Variants in CNTNAP5 observed in about 807,000 individuals in gnomAD.
CNTNAP5 encodes the protein contactin associated protein family member 5.
In CNTNAP5, 72 loss-of-function variants were observed where a neutral mutation model predicts 150.2. The ratio of observed to expected loss-of-function variants is 0.48; its 90% CI spans 0.40 to 0.58. The LOEUF (loss-of-function observed/expected upper bound fraction) is 0.58, where lower values mean the gene tolerates loss of function less well. Ranked by LOEUF, CNTNAP5 falls within the 20% of genes least tolerant of loss-of-function variation. The pLI, the probability that CNTNAP5 is intolerant of heterozygous loss-of-function variation, is 0.00. For missense variants in CNTNAP5, 1,636 were observed against 1,626.2 expected (o/e 1.01, Z -0.10); for synonymous variants, 672 against 619.8 (o/e 1.08, Z -1.25).
intron 1 of CNTNAP5, among the ~76,000 whole-genome samples, chr2:124,171,137 A>G (rs1684923329): frequency 1.3e-5 from 2 of 152,170 alleles, no homozygotes; most frequent in Non-Finnish European, 1.5e-5. Context: ...AACAGGATAG[A>G]GTTACAGCAG....
At chr2:124,518,138 A>C (rs142344951) in intron 8 of CNTNAP5, among the ~76,000 whole-genome samples, 1 of 152,166 alleles carries the variant, frequency 6.6e-6, no homozygotes, top group African/African-American at 2.4e-5. Flanking sequence ...TTTAAGCCCA[A>C]ACCCTACTCT....
At chr2:124,776,106 C>T (rs1362506420) in intron 17 of CNTNAP5, among the ~76,000 whole-genome samples, 1 of 152,178 alleles carries the variant, frequency 6.6e-6, no homozygotes, top group African/African-American at 2.4e-5. Context: ...GACTGTCACA[C>T]CTACAGTCAT....
At chr2:124,612,293 T>C (rs1677402811) in intron 12 of CNTNAP5, among the ~76,000 whole-genome samples, 1 of 152,148 alleles carries the variant, frequency 6.6e-6, no homozygotes, top group Admixed American at 6.6e-5. Context: ...ATGTGTATGT[T>C]ATATATATAC....
chr2:124,444,150 C>T (rs1692746210), intron 5 of CNTNAP5, among the ~76,000 whole-genome samples: 1 of 151,988 alleles, frequency 6.6e-6, no homozygotes, highest in Admixed American at 6.6e-5. Context: ...CACCTCCTGC[C>T]AACGCCTCAT....
At chr2:124,055,012 C>A (rs1232084621) in intron 1 of CNTNAP5, among the ~76,000 whole-genome samples, 5 of 152,108 alleles carry the variant, frequency 3.3e-5, no homozygotes, top group African/African-American at 2.4e-5. Context: ...TGGGCTCTCA[C>A]CCCTCTGCTT....
intron 3 of CNTNAP5, among the ~76,000 whole-genome samples, chr2:124,357,617 A>G (rs1690053163): frequency 6.9e-6 from 1 of 145,130 alleles, no homozygotes; most frequent in Admixed American, 6.8e-5. Context: ...AGATAGTTGT[A>G]GATATGCGGC....
chr2:124,380,096 A>G (rs895805350), intron 3 of CNTNAP5, among the ~76,000 whole-genome samples: 1 of 152,144 alleles, frequency 6.6e-6, no homozygotes, highest in African/African-American at 2.4e-5. Context: ...TTACTGTTAT[A>G]ATTAATCAGA....
intron 3 of CNTNAP5, among the ~76,000 whole-genome samples, chr2:124,410,097 T>G (rs1258224503): frequency 6.6e-6 from 1 of 151,992 alleles, no homozygotes; most frequent in Non-Finnish European, 1.5e-5. Flanking sequence ...TCTGATAAAA[T>G]ACTTTAAACC....
In CNTNAP5 at chr2:124,647,953, C is replaced by G. The variant is rs772923186; in HGVS notation, c.2072C>G (p.Thr691Arg). The change falls in exon 13 of 24, where the codon ACG (threonine) becomes AGG (arginine). Residue 691 changes from threonine to arginine, a missense_variant. Coordinates refer to ENST00000682447, the MANE Select transcript of CNTNAP5 (RefSeq NM_001367498.1). ...TGCAGGAGGTCCCGCCTGCTCAACA[C>G]GCCGGGTAAGGCCTCTGCATGCATG... ...YHCRRSRLLNTPDGTPFTWWI... is the reference protein window; with the variant it reads ...YHCRRSRLLNRPDGTPFTWWI... The G allele has an allele frequency of 6.3e-7, 1 of 1,596,676 alleles. No individual in the cohort carries two copies.
At chr2:124,504,816 C>T (rs1694365346) in intron 8 of CNTNAP5, among the ~76,000 whole-genome samples, 1 of 150,722 alleles carries the variant, frequency 6.6e-6, no homozygotes, top group African/African-American at 2.4e-5. Flanking sequence ...AAGTGATTCT[C>T]CTGCCTCAGC....
chr2:124,277,558 A>G (rs1240744591), intron 3 of CNTNAP5, among the ~76,000 whole-genome samples: 1 of 152,170 alleles, frequency 6.6e-6, no homozygotes, highest in Non-Finnish European at 1.5e-5. Flanking sequence ...AGTCTTTATT[A>G]ACTTTCATTT....
At chr2:124,312,749 T>C (rs530422142) in intron 3 of CNTNAP5, among the ~76,000 whole-genome samples, 5 of 152,296 alleles carry the variant, frequency 3.3e-5, no homozygotes, top group South Asian at 4.1e-4. Context: ...TTTTTGTATT[T>C]TTAGTAGAGA....
intron 13 of CNTNAP5, among the ~76,000 whole-genome samples, chr2:124,731,425 T>C (rs1308295066): frequency 2.6e-5 from 4 of 152,008 alleles, no homozygotes; most frequent in Non-Finnish European, 5.9e-5. Flanking sequence ...GATAGGATTG[T>C]GATAAATTCT....
chr2:124,706,791 GAA>G (rs1558742974), intron 13 of CNTNAP5, among the ~76,000 whole-genome samples: 100 of 31,286 alleles, frequency 3.2e-3, no homozygotes, highest in African/African-American at 4.8e-3. Context: ...AGAAGAAGAA[GAA>G]GAAGGAGGAG....
intron 21 of CNTNAP5, among the ~76,000 whole-genome samples, chr2:124,897,390 G>A (rs1392392492): frequency 6.6e-6 from 1 of 151,510 alleles, no homozygotes; most frequent in Admixed American, 6.6e-5. Context: ...AGAGATAGGA[G>A]GAATGTGTTT....
chr2:124,059,191 GGTAGTAAAA>G (rs570938165), intron 1 of CNTNAP5, among the ~76,000 whole-genome samples: 78 of 152,046 alleles, frequency 5.1e-4, no homozygotes, highest in African/African-American at 1.9e-3. Context: ...CTCTTACTTA[GGTAGTAAAA>G]GTTATCCTTA....
intron 19 of CNTNAP5, among the ~76,000 whole-genome samples, chr2:124,823,392 C>T (rs1003327396): frequency 6.6e-6 from 1 of 152,162 alleles, no homozygotes; most frequent in East Asian, 1.9e-4. Context: ...TGCTTTGTCT[C>T]CTTTTCTTAC....
rs1376537310 is a variant in CNTNAP5, at chr2:124,520,981, C to T, written c.1328-3322C>T. ...ATCTGTTAACAGAATGAAGTGAAAA[C>T]GAGGACCAGGTGAAAGTGGAGATTT... On this transcript the variant is annotated intron_variant, in intron 8 of 23. Coordinates refer to ENST00000682447, the MANE Select transcript of CNTNAP5 (RefSeq NM_001367498.1). Among the ~76,000 whole-genome samples the T allele has an allele frequency of 3.3e-5, 5 of 152,272 alleles. No homozygotes were observed. The East Asian group carries it at 9.6e-4, about 29-fold the overall frequency.
At chr2:124,084,338 C>T (rs539681042) in intron 1 of CNTNAP5, among the ~76,000 whole-genome samples, 1 of 152,020 alleles carries the variant, frequency 6.6e-6, no homozygotes, top group East Asian at 1.9e-4. Flanking sequence ...TCAATCTTGC[C>T]TCACTTCAGC....
Sources: gnomAD v4.1 joint callset for allele counts (sites outside exome capture counted in the v4.1 genomes callset) on GRCh38, gnomAD v4.1.1 for gene constraint, MANE v1.5 for transcripts, NCBI Gene and HGNC (gene_info 2026-07-23, HGNC 2026-07-21) for gene names.